The following FZR1 variants were observed in gnomAD, a reference collection of about 807,000 sequenced individuals.
FZR1 encodes the protein fizzy and cell division cycle 20 related 1, also known as fizzy-related protein homolog.
Under a neutral mutation model 63.6 loss-of-function variants are expected in FZR1, and 11 were observed. The ratio of observed to expected loss-of-function variants is 0.17; its 90% CI spans 0.11 to 0.29. FZR1 has a LOEUF of 0.29. Ranked by LOEUF, FZR1 falls within the 10% of genes least tolerant of loss-of-function variation. FZR1 has a pLI of 1.00. For synonymous variants in FZR1, 328 were observed against 297.9 expected, an observed-to-expected ratio of 1.10 and a Z score of -1.04; for missense variants, 440 against 687.5, an observed-to-expected ratio of 0.64 and a Z score of 4.03.
At position 3,534,914 on chromosome 19, in the gene FZR1, C is replaced by T; in HGVS notation, c.*78C>T. 8.6e-7 allele frequency: 1 copy of T among 1,162,210 alleles called. No individual in the cohort carries two copies. The highest frequency in any genetic ancestry group is 1.3e-6 in the Non-Finnish European group (1 of 776,720). 72.0% of individuals were successfully genotyped at this position (1,162,210 alleles called of 1,614,324 possible). A position where few individuals can be genotyped will look rare whatever the true frequency, so the allele number is the denominator to read the frequency against. Reference sequence around the variant, plus strand: ...GCTCCTCAGCTTGCATGGACTCTGCCTTCCCAGCGCTTGTCCCCCGAGGAA... The same window carrying T: ...GCTCCTCAGCTTGCATGGACTCTGCTTTCCCAGCGCTTGTCCCCCGAGGAA... On this transcript the variant is annotated 3_prime_UTR_variant, in exon 14 of 14. Transcript: ENST00000441788.
chr19:3,534,635 C>T, intron 13 of FZR1, 122 bp downstream of exon 13: 1 of 907,050 alleles, frequency 1.1e-6, no homozygotes, highest in Non-Finnish European at 1.8e-6. Context: ...CTTCCCTCAC[C>T]TCAAATTCTG....
rs954366223 is a variant in FZR1 at position 3,526,750 on chromosome 19, C to G, written c.388-230C>G. Among the ~76,000 whole-genome samples the G allele has an allele frequency of 5.5e-5, 8 of 144,924 alleles. No individual in the cohort carries two copies. The highest frequency in any genetic ancestry group is 4.1e-4 in the Admixed American group (6 of 14,680). On this transcript the variant is annotated intron_variant, in intron 5 of 13. Transcript: ENST00000441788. The surrounding 1 kb of genome is among the most constrained non-coding windows in gnomAD (Gnocchi z 5.4). Reference sequence around the variant, plus strand: ...ACTCTGTCCACATGATCCGGGAGCTCAAAGGCAGGATCACACGGAGCCTGG... The same window carrying G: ...ACTCTGTCCACATGATCCGGGAGCTGAAAGGCAGGATCACACGGAGCCTGG...
intron 1 of FZR1, among the ~76,000 whole-genome samples, chr19:3,520,925 C>T (rs946686591): frequency 6.6e-6 from 1 of 152,202 alleles, no homozygotes; most frequent in Non-Finnish European, 1.5e-5. Context: ...CGCCTCGGCC[C>T]TTCTGGTCTC....
In FZR1 at chr19:3,532,292, G is replaced by A. The variant is rs1399299405; in HGVS notation, c.1009-125G>A. 5.8e-6 allele frequency: 5 copies of A among 858,116 alleles called. No homozygotes were observed. In the East Asian group the frequency reaches 8.0e-5, roughly 14 times the overall value. The allele number at this position is 858,116 out of a possible 1,614,324, so 53.2% of individuals were successfully genotyped here. On this transcript the variant is annotated intron_variant, in intron 10 of 13. Coordinates refer to ENST00000441788, the MANE Select transcript of FZR1 (RefSeq NM_016263.4). ...GGGTGACGAGTGTGTGCCCCCAGGGGTCCTTGAGGGAGCAGCAGGAGGAGT... is the reference window on the plus strand; with the variant it reads ...GGGTGACGAGTGTGTGCCCCCAGGGATCCTTGAGGGAGCAGCAGGAGGAGT...
At position 3,525,228 on chromosome 19, in the gene FZR1, C is replaced by T. The variant is rs2083141543; in HGVS notation, c.70-640C>T. ...TTGGGAGGGCAGTTGGGGTCTTGTG[C>T]TCCCTGGCTCTGTCCCCTCCGCCAT... On this transcript the variant is annotated intron_variant, in intron 2 of 13. Coordinates refer to ENST00000441788, the MANE Select transcript of FZR1 (RefSeq NM_016263.4). This position sits in a 1 kb window ranked among gnomAD's most constrained non-coding sequence, Gnocchi z 4.2. Among the ~76,000 whole-genome samples the T allele has an allele frequency of 6.6e-6, 1 of 152,088 alleles. No individual in the cohort carries two copies. The highest frequency in any genetic ancestry group is 6.5e-5 in the Admixed American group (1 of 15,270).
At position 3,533,190 on chromosome 19, in the gene FZR1, G is replaced by A. The variant is rs923291997; in HGVS notation, c.1243-104G>A. 3 of 743,808 alleles carry A rather than the reference G, an allele frequency of 4.0e-6. No individual in the cohort carries two copies. Among genetic ancestry groups the A allele is most frequent in the Admixed American group, 1.8e-5 (1 of 54,610 alleles). 46.1% of individuals were successfully genotyped at this position (743,808 alleles called of 1,614,324 possible). A position where few individuals can be genotyped will look rare whatever the true frequency, so the allele number is the denominator to read the frequency against. On this transcript the variant is annotated intron_variant, in intron 11 of 13. Coordinates refer to ENST00000441788, the MANE Select transcript of FZR1 (RefSeq NM_016263.4). The surrounding 1 kb of genome is among the most constrained non-coding windows in gnomAD (Gnocchi z 4.9). ...CCTGCTCCTCCTGGGCTGGCTGGCG[G>A]CTCTGAGCTCTCACATGGGCTCAGG...
chr19:3,528,712 C>T lies in FZR1; in HGVS notation c.654+898C>T, dbSNP rs566350916. Among the ~76,000 whole-genome samples the T allele has an allele frequency of 4.0e-3, 373 of 92,428 alleles. 18 individuals are homozygous for T. The South Asian group carries it at 0.1, about 26-fold the overall frequency. The allele number at this position is 92,428 out of a possible 152,430, so 60.6% of individuals were successfully genotyped here. On this transcript the variant is annotated intron_variant, in intron 7 of 13. Coordinates refer to ENST00000441788, the MANE Select transcript of FZR1 (RefSeq NM_016263.4). ...GCGGATGAGAGAGTGGATGGGTGAG[C>T]AGATTAGGGAGTGGATGGGTGAGTG...
At position 3,530,832 on chromosome 19, in the gene FZR1, T is replaced by C; in HGVS notation, c.695T>C (p.Val232Ala). ...GACCTCTCAGTGGAAGGGGACTCAGTGACCTCCGTGGGCTGGTCTGAGCGG... is the reference window on the plus strand; with the variant it reads ...GACCTCTCAGTGGAAGGGGACTCAGCGACCTCCGTGGGCTGGTCTGAGCGG... Reference protein sequence around the residue: ...LCDLSVEGDSVTSVGWSERGN... With the variant: ...LCDLSVEGDSATSVGWSERGN... The change falls in exon 8 of 14, where the codon GTG (valine) becomes GCG (alanine). Residue 232 changes from valine to alanine, a missense_variant. By Grantham distance (64) the Val-to-Ala change is moderately conservative. This residue lies in a region of FZR1 where 208 missense variants were observed against 363.6 expected (regional missense o/e 0.57). Transcript: ENST00000441788. 1 of 1,613,072 alleles carries C rather than the reference T, an allele frequency of 6.2e-7. No individual in the cohort carries two copies. Among genetic ancestry groups the C allele is most frequent in the Non-Finnish European group, 8.5e-7 (1 of 1,179,662 alleles).
chr19:3,520,753 C>T (rs2083094157), intron 1 of FZR1, among the ~76,000 whole-genome samples: 1 of 152,254 alleles, frequency 6.6e-6, no homozygotes, highest in Non-Finnish European at 1.5e-5. Flanking sequence ...CAGAGGCCAC[C>T]TGGAGCTGTG....
rs970380226 is a variant in FZR1 at position 3,535,915 on chromosome 19, T to G, written c.*1079T>G. 6.6e-6 allele frequency: 1 copy of G among 152,348 alleles called. No homozygotes were observed. Among genetic ancestry groups the G allele is most frequent in the Non-Finnish European group, 1.5e-5 (1 of 68,132 alleles). The allele number at this position is 152,348 out of a possible 1,614,324, so 9.4% of individuals were successfully genotyped here. A position where few individuals can be genotyped will look rare whatever the true frequency, so the allele number is the denominator to read the frequency against. On this transcript the variant is annotated 3_prime_UTR_variant, in exon 14 of 14. Transcript: ENST00000441788. The stretch of plus-strand genomic sequence containing the variant: ...AGCTTCCCAGGCTCCTCTGCTTCTC[T>G]GTCTCATGCTCCCAGGCTGCACAGC...
At chr19:3,528,552 G>A (rs985544743) in intron 7 of FZR1, among the ~76,000 whole-genome samples, 1 of 152,196 alleles carries the variant, frequency 6.6e-6, no homozygotes, top group Admixed American at 6.5e-5. Context: ...GTGTGTGGCA[G>A]GCTTGAGCTT....
chr19:3,531,459 T>C (rs2083246087), intron 8 of FZR1, among the ~76,000 whole-genome samples: 2 of 152,248 alleles, frequency 1.3e-5, no homozygotes, highest in Admixed American at 6.5e-5. Flanking sequence ...GAAATGTCCA[T>C]GTGGGAAGGT....
In FZR1 at chr19:3,525,432, C is replaced by CTTTTTTTTT. The variant is rs57486013; in HGVS notation, c.70-416_70-408dup. 5.0e-3 allele frequency among the ~76,000 whole-genome samples: 344 copies of CTTTTTTTTT among 68,740 alleles called. 24 individuals are homozygous for CTTTTTTTTT. Among genetic ancestry groups the CTTTTTTTTT allele is most frequent in the African/African-American group, 0.02 (325 of 16,542 alleles). 45.1% of individuals were successfully genotyped at this position (68,740 alleles called of 152,430 possible). On this transcript the variant is annotated intron_variant, in intron 2 of 13. Coordinates refer to ENST00000441788, the MANE Select transcript of FZR1 (RefSeq NM_016263.4). This position sits in a 1 kb window ranked among gnomAD's most constrained non-coding sequence, Gnocchi z 4.2. ...TGTGTGGCTCCCCTCCTTGGGTTTT[C>CTTTTTTTTT]TTTTTTTTTTTTTTTTTTTTTTTTT...
intron 12 of FZR1, 54 bp from the exon 13 acceptor site, chr19:3,534,367 G>A (rs2083276553): frequency 2.0e-6 from 2 of 1,009,832 alleles, no homozygotes; most frequent in Non-Finnish European, 3.1e-6. Context: ...CCCCAGCACT[G>A]TCCCGAGGCA....
At chr19:3,532,332 C>G in intron 10 of FZR1, 85 bp from the exon 11 acceptor site, 1 of 1,077,010 alleles carries the variant, frequency 9.3e-7, no homozygotes. Flanking sequence ...GGTGGGGTGC[C>G]AGGGCAGGTC....
intron 1 of FZR1, among the ~76,000 whole-genome samples, chr19:3,511,437 T>G (rs1438669649): frequency 2.0e-5 from 3 of 152,176 alleles, no homozygotes; most frequent in Admixed American, 2.0e-4. Context: ...GTACAGAGGC[T>G]CACGCCTGGA....
intron 2 of FZR1, among the ~76,000 whole-genome samples, chr19:3,523,412 C>T (rs752405221): frequency 6.6e-6 from 1 of 152,178 alleles, no homozygotes; most frequent in Non-Finnish European, 1.5e-5. Context: ...TTTGGGGGGC[C>T]CTGGCTTTGT....
At position 3,530,780 on chromosome 19, in the gene FZR1, C is replaced by T; in HGVS notation, c.655-12C>T. On this transcript the variant is annotated splice_polypyrimidine_tract_variant and intron_variant, in intron 7 of 13. Coordinates refer to ENST00000441788, the MANE Select transcript of FZR1 (RefSeq NM_016263.4). ...GACCAGCGGCAAAGCTCACACTGAC[C>T]TCTGCCTCCAGGTGACGCGGCTCTG... is the stretch of plus-strand genomic sequence containing the variant. The T allele has an allele frequency of 6.2e-7, 1 of 1,610,628 alleles. No individual in the cohort carries two copies. Among genetic ancestry groups the T allele is most frequent in the Non-Finnish European group, 8.5e-7 (1 of 1,178,018 alleles).
At chr19:3,534,582 C>T (rs1454755574) in intron 13 of FZR1, 69 bp downstream of exon 13, 7 of 1,100,770 alleles carry the variant, frequency 6.4e-6, no homozygotes, top group Non-Finnish European at 9.6e-6. Context: ...CCTGTCCCCA[C>T]TGTCCTCGGG....
Sources: gnomAD v4.1 joint callset for allele counts (sites outside exome capture counted in the v4.1 genomes callset) on GRCh38, gnomAD v4.1.1 for gene constraint, gnomAD v4.1.1 regional missense constraint, Gnocchi (gnomAD v3.1) non-coding constraint, MANE v1.5 for transcripts, NCBI Gene and HGNC (gene_info 2026-07-23, HGNC 2026-07-21) for gene names.